PLEKHA3: variants seen among roughly 807,000 people sequenced by gnomAD.
PLEKHA3 encodes the protein pleckstrin homology domain containing A3, also known as pleckstrin homology domain-containing family A member 3.
A neutral mutation model predicts 39.2 loss-of-function variants in PLEKHA3; 19 were observed. That is an observed-to-expected ratio of 0.48 (90% confidence interval 0.34 to 0.71). The LOEUF (loss-of-function observed/expected upper bound fraction) is 0.71. Ranked by LOEUF, PLEKHA3 falls within the 30% of genes least tolerant of loss-of-function variation. PLEKHA3 has a pLI of 0.01. For synonymous variants in PLEKHA3, 97 were observed against 118.6 expected, an observed-to-expected ratio of 0.82 and a Z score of 1.18; for missense variants, 253 against 359.5, an observed-to-expected ratio of 0.70 and a Z score of 2.40.
chr2:178,516,094 A>T lies in PLEKHA3; in HGVS notation c.*12207A>T, dbSNP rs1366156315. 6.6e-6 allele frequency: 1 copy of T among 151,436 alleles called. No individual in the cohort carries two copies. The highest frequency in any genetic ancestry group is 2.4e-5 in the African/African-American group (1 of 41,336). 9.4% of individuals were successfully genotyped at this position (151,436 alleles called of 1,614,324 possible). On this transcript the variant is annotated 3_prime_UTR_variant, in exon 8 of 8. Transcript: ENST00000234453. The stretch of plus-strand genomic sequence containing the variant: ...TATATATATACATACATATATATAC[A>T]TAAAATGATTCTTGCAAAAGTAGTT...
intron 7 of PLEKHA3, among the ~76,000 whole-genome samples, 168 bp from the exon 8 acceptor site, chr2:178,503,592 C>G (rs1685563345): frequency 6.6e-6 from 1 of 151,900 alleles, no homozygotes; most frequent in African/African-American, 2.4e-5. Context: ...TGTTGATACT[C>G]TAGTCTAAAA....
rs770961523 is a variant in PLEKHA3, at chr2:178,516,075, T to TATAC, written c.*12196_*12199dup. ...GTGTATATACACATACATATATATATATACATACATATATATACATAAAAT... is the reference window on the plus strand; with the variant it reads ...GTGTATATACACATACATATATATATATACATACATACATATATATACATAAAAT... On this transcript the variant is annotated 3_prime_UTR_variant, in exon 8 of 8. Transcript: ENST00000234453. The TATAC allele has an allele frequency of 6.6e-6, 1 of 151,216 alleles. No homozygotes were observed. The highest frequency in any genetic ancestry group is 1.5e-5 in the Non-Finnish European group (1 of 67,754). 9.4% of individuals were successfully genotyped at this position (151,216 alleles called of 1,614,324 possible).
intron 2 of PLEKHA3, chr2:178,488,900 G>A (rs1164826491): frequency 9.6e-6 from 4 of 415,372 alleles, no homozygotes; most frequent in South Asian, 1.8e-5. Context: ...GTAGTTTTGT[G>A]TTTAGAGGTC....
At chr2:178,493,779 A>G in intron 3 of PLEKHA3, 74 bp from the exon 4 acceptor site, 1 of 1,343,598 alleles carries the variant, frequency 7.4e-7, no homozygotes, top group South Asian at 1.4e-5. Flanking sequence ...GCTTTTTTAA[A>G]TGATTACATT....
rs547110326 is a variant in PLEKHA3 at position 178,494,097 on chromosome 2, G to A, written c.450+108G>A. ...GCATTTTCACATTGAGTTATTTTCA[G>A]CTTTTCTGGGTTCTGCCTACTGTAT... On this transcript the variant is annotated intron_variant, in intron 4 of 7. Transcript: ENST00000234453. The A allele has an allele frequency of 1.4e-5, 18 of 1,304,904 alleles. No homozygotes were observed. In the African/African-American group the frequency reaches 2.2e-4, roughly 16 times the overall value. The allele number at this position is 1,304,904 out of a possible 1,614,324, so 80.8% of individuals were successfully genotyped here.
In PLEKHA3 at chr2:178,511,823, T is replaced by C. The variant is rs985780733; in HGVS notation, c.*7936T>C. 3.3e-5 allele frequency: 5 copies of C among 152,250 alleles called. No homozygotes were observed. The highest frequency in any genetic ancestry group is 7.3e-5 in the Non-Finnish European group (5 of 68,118). 9.4% of individuals were successfully genotyped at this position (152,250 alleles called of 1,614,324 possible). ...GGGAGCCACCGTGCCTGACCTGACC[T>C]CTCCATCTTTGGCGTCCTTATGCTG... is the stretch of plus-strand genomic sequence containing the variant. On this transcript the variant is annotated 3_prime_UTR_variant, in exon 8 of 8. Transcript: ENST00000234453.
intron 3 of PLEKHA3, among the ~76,000 whole-genome samples, chr2:178,492,325 G>T (rs1219822563): frequency 6.6e-6 from 1 of 151,924 alleles, no homozygotes; most frequent in African/African-American, 2.4e-5. Flanking sequence ...CTAAAAGATG[G>T]AAATAACCCA....
rs1460440508 is a variant in PLEKHA3, at chr2:178,500,966, TTTTTCAC to T, written c.660-92_660-86del. ...GGACGTTGAGCATAAAAATAATTCT[TTTTTCAC>T]TTAAAGAGAAGTCATTTAAAATTCC... On this transcript the variant is annotated intron_variant, in intron 6 of 7. Transcript: ENST00000234453. The T allele has an allele frequency of 5.0e-6, 4 of 799,412 alleles. No individual in the cohort carries two copies. In the African/African-American group the frequency reaches 6.9e-5, roughly 14 times the overall value. 49.5% of individuals were successfully genotyped at this position (799,412 alleles called of 1,614,324 possible).
Position 178,498,285 on chromosome 2 carries a change from A to G in PLEKHA3, c.616-926A>G, listed in dbSNP as rs963792308. ...AGTGGCCATTTGCATCTTAATGTCA[A>G]TCTTATCAGATGTTCCCAGACTACA... is the stretch of plus-strand genomic sequence containing the variant. On this transcript the variant is annotated intron_variant, in intron 5 of 7. Coordinates refer to ENST00000234453, the MANE Select transcript of PLEKHA3 (RefSeq NM_019091.4). Among the ~76,000 whole-genome samples, 6 of 152,310 alleles carry G rather than the reference A, an allele frequency of 3.9e-5. No homozygotes were observed. In the East Asian group the frequency reaches 1.2e-3, roughly 29 times the overall value.
In PLEKHA3 at chr2:178,507,248, T is replaced by C. The variant is rs1325837689; in HGVS notation, c.*3361T>C. The C allele has an allele frequency of 1.3e-5, 2 of 152,184 alleles. No homozygotes were observed. Among genetic ancestry groups the C allele is most frequent in the African/African-American group, 4.8e-5 (2 of 41,440 alleles). The allele number at this position is 152,184 out of a possible 1,614,324, so 9.4% of individuals were successfully genotyped here. A position where few individuals can be genotyped will look rare whatever the true frequency, so the allele number is the denominator to read the frequency against. ...AACTCTCCACCTCCCACATTTTTCT[T>C]CCCCCACCCCTCCCAAAATAGATTT... On this transcript the variant is annotated 3_prime_UTR_variant, in exon 8 of 8. Coordinates refer to ENST00000234453, the MANE Select transcript of PLEKHA3 (RefSeq NM_019091.4).
Position 178,490,788 on chromosome 2 carries a change from C to G in PLEKHA3, c.287C>G (p.Thr96Ser). The G allele has an allele frequency of 6.2e-7, 1 of 1,613,690 alleles. No homozygotes were observed. Among genetic ancestry groups the G allele is most frequent in the Admixed American group, 1.7e-5 (1 of 59,954 alleles). The change falls in exon 3 of 8, where the codon ACT (threonine) becomes AGT (serine). Residue 96 changes from threonine (T) to serine (S), a missense_variant. Physicochemically the swap from Thr to Ser is moderately conservative, Grantham distance 58 (BLOSUM62 1). Around this residue, in one of 2 missense-constraint regions of PLEKHA3, gnomAD observed 126 missense variants for 222.7 expected, o/e 0.57. Transcript: ENST00000234453. ...CTGGGGAGCTCCAAAGCATGTTTGA[C>G]TGATACAAGGACTAAAAAAGAAAAA... ...VALGSSKACL[T>S]DTRTKKEKEI...
chr2:178,499,840 C>T (rs1685501424), intron 6 of PLEKHA3, among the ~76,000 whole-genome samples: 1 of 152,070 alleles, frequency 6.6e-6, no homozygotes, highest in Non-Finnish European at 1.5e-5. Context: ...AGAATGCATC[C>T]TTGTCATTAA....
In PLEKHA3 at chr2:178,485,700, G is replaced by C. The variant is rs1685238199; in HGVS notation, c.100G>C (p.Asp34His). 1 of 1,613,808 alleles carries C rather than the reference G, an allele frequency of 6.2e-7. No individual in the cohort carries two copies. The highest frequency in any genetic ancestry group is 1.3e-5 in the African/African-American group (1 of 74,918). Residue 34 changes from aspartate to histidine, a missense_variant, in exon 2 of 8, where the codon GAT becomes CAT. Transcript: ENST00000234453. ...NGILSYYDSQ[D>H]DVCKGSKGSI... ...AATCTTATCCTACTATGATTCACAA[G>C]ATGATGTTTGCAAAGGGAGCAAAGG...
rs540032594 is a variant in PLEKHA3, at chr2:178,484,173, T to C, written c.41-1468T>C. On this transcript the variant is annotated intron_variant, in intron 1 of 7. Coordinates refer to ENST00000234453, the MANE Select transcript of PLEKHA3 (RefSeq NM_019091.4). Reference sequence around the variant, plus strand: ...TTTATTCAGTCACTTGAGAAATAGATTTTTTTGGTACCTCTTATGTGCCAG... The same window carrying C: ...TTTATTCAGTCACTTGAGAAATAGACTTTTTTGGTACCTCTTATGTGCCAG... Among the ~76,000 whole-genome samples, 6 of 152,330 alleles carry C rather than the reference T, an allele frequency of 3.9e-5. No homozygotes were observed. In the South Asian group the frequency reaches 1.2e-3, roughly 32 times the overall value.
At chr2:178,484,342 C>T (rs894332883) in intron 1 of PLEKHA3, among the ~76,000 whole-genome samples, 21 of 152,176 alleles carry the variant, frequency 1.4e-4, no homozygotes, top group Non-Finnish European at 2.9e-4. Flanking sequence ...CTGAAAGTTG[C>T]TGGTTTTTAG....
rs995701345 is a variant in PLEKHA3, at chr2:178,515,349, A to C, written c.*11462A>C. 4 of 152,122 alleles carry C rather than the reference A, an allele frequency of 2.6e-5. No homozygotes were observed. The highest frequency in any genetic ancestry group is 5.9e-5 in the Non-Finnish European group (4 of 68,018). The allele number at this position is 152,122 out of a possible 1,614,324, so 9.4% of individuals were successfully genotyped here. A position where few individuals can be genotyped will look rare whatever the true frequency, so the allele number is the denominator to read the frequency against. ...ATGGAAATCATGGTTGAATGTTAGT[A>C]AATTTCTAAGAGCTTTCCAATGTTG... On this transcript the variant is annotated 3_prime_UTR_variant, in exon 8 of 8. Coordinates refer to ENST00000234453, the MANE Select transcript of PLEKHA3 (RefSeq NM_019091.4).
chr2:178,481,972 T>C (rs1685172982), intron 1 of PLEKHA3: 1 of 153,672 alleles, frequency 6.5e-6, no homozygotes, highest in African/African-American at 2.4e-5. Context: ...TTGTGCAAAA[T>C]GTGCAGGTAA....
intron 2 of PLEKHA3, among the ~76,000 whole-genome samples, chr2:178,488,473 C>CCTT (rs1388990717): frequency 2.6e-5 from 4 of 152,248 alleles, no homozygotes; most frequent in Non-Finnish European, 5.9e-5. Context: ...TTAATAGCAA[C>CCTT]CTTTCCCCCA....
rs1685672147 is a variant in PLEKHA3 at position 178,510,798 on chromosome 2, A to G, written c.*6911A>G. On this transcript the variant is annotated 3_prime_UTR_variant, in exon 8 of 8. Coordinates refer to ENST00000234453, the MANE Select transcript of PLEKHA3 (RefSeq NM_019091.4). ...TGTAAATAGTTGTACACCTTTCAGA[A>G]AATGTTGTGGACTTACATAAGCAAA... 6.6e-6 allele frequency: 1 copy of G among 152,352 alleles called. No individual in the cohort carries two copies. Among genetic ancestry groups the G allele is most frequent in the African/African-American group, 2.4e-5 (1 of 41,456 alleles). 9.4% of individuals were successfully genotyped at this position (152,352 alleles called of 1,614,324 possible).
Sources: allele counts gnomAD v4.1 joint callset (sites outside exome capture counted in the v4.1 genomes callset), GRCh38; gene constraint gnomAD v4.1.1; regional missense constraint gnomAD v4.1.1; transcripts MANE v1.5; gene names NCBI Gene and HGNC (gene_info 2026-07-23, HGNC 2026-07-21).